Variants in RNF150 observed in about 807,000 individuals in gnomAD.
The protein encoded by RNF150 is ring finger protein 150.
RNF150 carries 24 observed loss-of-function variants against 39.3 expected under a neutral mutation model. The observed-to-expected ratio is 0.61, with a 90% CI of 0.44 to 0.86. The LOEUF (loss-of-function observed/expected upper bound fraction) is 0.86, where lower values mean the gene tolerates loss of function less well. RNF150 is among the 40% of genes least tolerant of loss of function. The pLI, the probability that RNF150 is intolerant of heterozygous loss-of-function variation, is 0.00. For synonymous variants in RNF150, 255 were observed against 227.3 expected (o/e 1.12, Z -1.10); for missense variants, 502 against 587.8 (o/e 0.85, Z 1.51).
At chr4:140,886,352 G>T (rs1729577598) in intron 6 of RNF150, among the ~76,000 whole-genome samples, 1 of 152,086 alleles carries the variant, frequency 6.6e-6, no homozygotes, top group South Asian at 2.1e-4. Flanking sequence ...TGAGTGGAGT[G>T]GGTAGTAGTG....
At chr4:141,077,795 T>C (rs1008661991) in intron 1 of RNF150, among the ~76,000 whole-genome samples, 2 of 152,272 alleles carry the variant, frequency 1.3e-5, no homozygotes, top group Admixed American at 6.5e-5. Context: ...ATCCTGGCCC[T>C]GTGCCCATGC....
chr4:140,868,080 G>T lies in RNF150; in HGVS notation c.*181C>A. 1.8e-6 allele frequency: 1 copy of T among 547,984 alleles called. No individual in the cohort carries two copies. The highest frequency in any genetic ancestry group is 3.2e-6 in the Non-Finnish European group (1 of 310,030). The allele number at this position is 547,984 out of a possible 1,614,324, so 33.9% of individuals were successfully genotyped here. A position where few individuals can be genotyped will look rare whatever the true frequency, so the allele number is the denominator to read the frequency against. On this transcript the variant is annotated 3_prime_UTR_variant, in exon 7 of 7. Coordinates refer to ENST00000515673, the MANE Select transcript of RNF150 (RefSeq NM_020724.2). The stretch of plus-strand genomic sequence containing the variant: ...AAGGCCACAGACTGCCATACCGATG[G>T]AGAAACTGCATCCTGATTGACAAGA...
At chr4:141,107,322 C>A (rs1283294020) in intron 1 of RNF150, among the ~76,000 whole-genome samples, 2 of 151,974 alleles carry the variant, frequency 1.3e-5, no homozygotes, top group African/African-American at 2.4e-5. Context: ...TATACATAAC[C>A]CATTTACATC....
intron 1 of RNF150, among the ~76,000 whole-genome samples, chr4:141,033,308 C>G (rs1241166882): frequency 6.6e-6 from 1 of 152,160 alleles, no homozygotes; most frequent in Non-Finnish European, 1.5e-5. Context: ...GAAGCAACTC[C>G]TCATCCATTA....
chr4:140,986,679 T>C (rs1168983672), intron 1 of RNF150, among the ~76,000 whole-genome samples: 1 of 152,086 alleles, frequency 6.6e-6, no homozygotes, highest in African/African-American at 2.4e-5. Flanking sequence ...TATTTCCTAA[T>C]CCTTCACTGG....
chr4:141,120,197 T>A (rs1400565734), intron 1 of RNF150, among the ~76,000 whole-genome samples: 6 of 152,118 alleles, frequency 3.9e-5, no homozygotes, highest in African/African-American at 1.4e-4. Context: ...TGAAATTATA[T>A]AGAAATTTCT....
chr4:141,188,359 T>G (rs745578831), intron 1 of RNF150, among the ~76,000 whole-genome samples: 1 of 152,168 alleles, frequency 6.6e-6, no homozygotes, highest in Non-Finnish European at 1.5e-5. Context: ...ATCTTTGTGG[T>G]GTTCTCTGTA....
chr4:141,211,659 T>A (rs540562236), intron 1 of RNF150, among the ~76,000 whole-genome samples: 2 of 148,412 alleles, frequency 1.3e-5, no homozygotes, highest in Non-Finnish European at 3.0e-5. Context: ...CTTAACTATT[T>A]CATTTATTTT....
intron 6 of RNF150, among the ~76,000 whole-genome samples, chr4:140,878,748 A>C (rs1729267324): frequency 6.6e-6 from 1 of 152,114 alleles, no homozygotes; most frequent in African/African-American, 2.4e-5. Flanking sequence ...AGAAGATTTT[A>C]GTGTAATGTA....
chr4:141,193,143 C>G (rs1728140765), intron 1 of RNF150, among the ~76,000 whole-genome samples: 2 of 152,096 alleles, frequency 1.3e-5, no homozygotes, highest in African/African-American at 4.8e-5. Flanking sequence ...TGCCTGTCTC[C>G]CATGTAATGT....
At chr4:141,104,714 T>C (rs559678355) in intron 1 of RNF150, among the ~76,000 whole-genome samples, 1 of 152,324 alleles carries the variant, frequency 6.6e-6, no homozygotes, top group African/African-American at 2.4e-5. Context: ...GCCAGAAAAA[T>C]AATGACTGCT....
At chr4:140,906,033 A>C (rs1280001601) in intron 6 of RNF150, among the ~76,000 whole-genome samples, 3 of 152,146 alleles carry the variant, frequency 2.0e-5, no homozygotes, top group African/African-American at 7.2e-5. Flanking sequence ...TTGAATTACA[A>C]GGGAAAGTGC....
At chr4:141,211,150 T>C (rs1366429589) in intron 1 of RNF150, among the ~76,000 whole-genome samples, 1 of 152,234 alleles carries the variant, frequency 6.6e-6, no homozygotes. Context: ...TACATATATT[T>C]GGATGCATTT....
chr4:141,029,939 G>A (rs895031734), intron 1 of RNF150, among the ~76,000 whole-genome samples: 2 of 152,174 alleles, frequency 1.3e-5, no homozygotes, highest in Non-Finnish European at 2.9e-5. Context: ...GCTCACGCCT[G>A]TAATCTCAGT....
intron 6 of RNF150, among the ~76,000 whole-genome samples, chr4:140,871,272 C>A (rs1728928282): frequency 6.6e-6 from 1 of 151,780 alleles, no homozygotes; most frequent in South Asian, 2.1e-4. Context: ...ATAGTGGGTT[C>A]CTGATGAATA....
intron 1 of RNF150, among the ~76,000 whole-genome samples, chr4:141,078,521 CG>C (rs1411893726): frequency 2.0e-5 from 3 of 151,618 alleles, no homozygotes; most frequent in Non-Finnish European, 2.9e-5. Context: ...TTCATAATCA[CG>C]CCTGTAATCC....
rs76995192 is a variant in RNF150, at chr4:141,154,978, C to T, written c.-6+57816G>A. On this transcript the variant is annotated intron_variant, in intron 1 of 7. Coordinates refer to the RNF150 transcript ENST00000420921. ...ATAAATGCTTGGTGATGTCATCCTTCGTCAGAGTCAGATATTTTACCATTA... is the reference window on the plus strand; with the variant it reads ...ATAAATGCTTGGTGATGTCATCCTTTGTCAGAGTCAGATATTTTACCATTA... Among the ~76,000 whole-genome samples the T allele has an allele frequency of 6.0e-3, 921 of 152,272 alleles. 8 individuals are homozygous for T. The highest frequency in any genetic ancestry group is 0.021 in the African/African-American group (863 of 41,558).
At chr4:140,915,887 C>G (rs1730803403) in intron 5 of RNF150, among the ~76,000 whole-genome samples, 1 of 152,154 alleles carries the variant, frequency 6.6e-6, no homozygotes, top group African/African-American at 2.4e-5. Context: ...TTGCGGTTCA[C>G]CAATATCTGC....
In RNF150 at chr4:140,863,778, C is replaced by CGAGA. The variant is rs1728587191; in HGVS notation, c.*4482_*4483insTCTC. 2.0e-5 allele frequency: 3 copies of CGAGA among 152,148 alleles called. No homozygotes were observed. The highest frequency in any genetic ancestry group is 2.0e-4 in the Admixed American group (3 of 15,280). The allele number at this position is 152,148 out of a possible 1,614,324, so 9.4% of individuals were successfully genotyped here. A position where few individuals can be genotyped will look rare whatever the true frequency, so the allele number is the denominator to read the frequency against. ...TTAGTACCAGAAAAGACTGGGCTCT[C>CGAGA]GCTCCACAGAGGGAGTGACTCCATA... On this transcript the variant is annotated 3_prime_UTR_variant, in exon 7 of 7. Transcript: ENST00000515673.
Sources: gnomAD v4.1 joint callset for allele counts (sites outside exome capture counted in the v4.1 genomes callset) on GRCh38, gnomAD v4.1.1 for gene constraint, MANE v1.5 for transcripts, NCBI Gene and HGNC (gene_info 2026-07-23, HGNC 2026-07-21) for gene names.